Variants in MAPK6 observed in about 807,000 individuals in gnomAD.
MAPK6 encodes the protein mitogen-activated protein kinase 6.
Under a neutral mutation model 59.3 loss-of-function variants are expected in MAPK6, and 19 were observed. The observed-to-expected ratio is 0.32, with a 90% CI of 0.22 to 0.47. The LOEUF (loss-of-function observed/expected upper bound fraction) is 0.47, where lower values mean the gene tolerates loss of function less well. Among genes scored for constraint, MAPK6 ranks in the 20% least tolerant of loss-of-function variants. The pLI is 1.00. For synonymous variants in MAPK6, 316 were observed against 290.3 expected (o/e 1.09, Z -0.90); for missense variants, 724 against 847.9 (o/e 0.85, Z 1.81).
chr15:52,015,999 T>TG (rs1362537564), upstream of MAPK6, among the ~76,000 whole-genome samples: 3 of 146,826 alleles, frequency 2.0e-5, no homozygotes, highest in Admixed American at 2.0e-4. Flanking sequence ...GAGCTTGCAG[T>TG]GAGCTGAGAT....
At chr15:51,997,759 T>C (rs1386625481) in intron 2 of MAPK6, among the ~76,000 whole-genome samples, 1 of 150,428 alleles carries the variant, frequency 6.6e-6, no homozygotes, top group African/African-American at 2.5e-5. Flanking sequence ...CCCAGCTAAT[T>C]TTTTGTATTT....
At chr15:52,034,250 G>A (rs930282448) in intron 1 of MAPK6, among the ~76,000 whole-genome samples, 5 of 152,004 alleles carry the variant, frequency 3.3e-5, no homozygotes, top group Admixed American at 6.5e-5. Flanking sequence ...CTCCCAAAGT[G>A]CTGGGATTAT....
chr15:51,977,968 A>G (rs1424241254), intron 1 of MAPK6, among the ~76,000 whole-genome samples: 3 of 151,730 alleles, frequency 2.0e-5, no homozygotes, highest in Non-Finnish European at 2.9e-5. Context: ...CTAAGTTTTG[A>G]GGTATTTTGT....
At chr15:52,007,844 C>T (rs2029943330) in intron 3 of MAPK6, among the ~76,000 whole-genome samples, 1 of 151,020 alleles carries the variant, frequency 6.6e-6, no homozygotes, top group Non-Finnish European at 1.5e-5. Context: ...TGATATTTCA[C>T]CTCTTTTTTT....
In MAPK6 at chr15:52,020,258, G is replaced by C. The variant is rs142937841; in HGVS notation, c.-632+882G>C. ...TTGGCATCCTTTTGTTTCTTGGCGA[G>C]TGTAGGACCCAACCGGTTTAGGTGT... On this transcript the variant is annotated intron_variant, in intron 1 of 5. Coordinates refer to ENST00000261845, the MANE Select transcript of MAPK6 (RefSeq NM_002748.4). 4.3e-3 allele frequency among the ~76,000 whole-genome samples: 662 copies of C among 152,338 alleles called. 2 individuals are homozygous for C. Among genetic ancestry groups the C allele is most frequent in the Middle Eastern group, 0.014 (4 of 294 alleles).
chr15:51,994,043 C>T (rs2057217614), intron 2 of MAPK6, among the ~76,000 whole-genome samples: 1 of 152,128 alleles, frequency 6.6e-6, no homozygotes, highest in South Asian at 2.1e-4. Context: ...TCACTGAAAC[C>T]TCCACCTCCT....
intron 1 of MAPK6, chr15:52,027,947 ATTTTTTTTTTTTTTT>A (rs34981319): frequency 3.7e-5 from 2 of 54,684 alleles, no homozygotes; most frequent in Admixed American, 2.9e-4. Context: ...TAATTTTTGT[ATTTTTTTTTTTTTTT>A]TTTTTTTTTG....
intron 1 of MAPK6, among the ~76,000 whole-genome samples, chr15:52,033,506 C>G (rs904021001): frequency 1.3e-5 from 2 of 152,246 alleles, no homozygotes; most frequent in Non-Finnish European, 2.9e-5. Flanking sequence ...GGGCTTTGGA[C>G]TCTTGACTTA....
intron 1 of MAPK6, among the ~76,000 whole-genome samples, chr15:52,031,689 C>T (rs947078343): frequency 3.3e-5 from 5 of 151,984 alleles, no homozygotes; most frequent in African/African-American, 4.8e-5. Flanking sequence ...AAAATTGAGC[C>T]GGGTGTGGCA....
chr15:51,998,947 C>T (rs559236114), intron 2 of MAPK6, among the ~76,000 whole-genome samples: 12 of 150,480 alleles, frequency 8.0e-5, no homozygotes, highest in Admixed American at 8.0e-4. Flanking sequence ...GCCTCAGCCT[C>T]CCAGAGTGCT....
In MAPK6 at chr15:52,050,079, C is replaced by T. The variant is rs2031727497; in HGVS notation, c.642C>T (p.Asp214=). The T allele has an allele frequency of 2.5e-6, 4 of 1,613,264 alleles. No individual in the cohort carries two copies. The highest frequency in any genetic ancestry group is 1.1e-5 in the South Asian group (1 of 90,944). The change falls in exon 3 of 6, where the codon GAC becomes GAT. Residue 214 remains aspartate (D), a synonymous_variant. Transcript: ENST00000261845. ...CTAATAATTATACTAAAGCCATTGA[C>T]ATGTGGGCTGCAGGCTGCATCTTTG... The part of the protein sequence containing the change: ...LSPNNYTKAI[D]MWAAGCIFAE...
rs1160709122 is a variant in MAPK6, at chr15:52,053,485, A to G, written c.700+3348A>G. Among the ~76,000 whole-genome samples the G allele has an allele frequency of 7.2e-5, 11 of 152,140 alleles. 1 individual carries two copies. The highest frequency in any genetic ancestry group is 7.2e-4 in the Admixed American group (11 of 15,268). On this transcript the variant is annotated intron_variant, in intron 3 of 5. Transcript: ENST00000261845. ...GGTTGTCTTTTTATTATTGAGTTGT[A>G]AGAATTCTTTACATAATTCTGAATA...
At chr15:52,032,832 G>A (rs1306638909) in intron 1 of MAPK6, among the ~76,000 whole-genome samples, 10 of 152,166 alleles carry the variant, frequency 6.6e-5, no homozygotes, top group Non-Finnish European at 1.3e-4. Context: ...TTACAGGCAT[G>A]CGCCACCACA....
chr15:52,046,452 G>C lies in MAPK6; in HGVS notation c.-9G>C. 1.3e-6 allele frequency: 2 copies of C among 1,584,504 alleles called. No individual in the cohort carries two copies. The highest frequency in any genetic ancestry group is 2.2e-5 in the East Asian group (1 of 44,664). On this transcript the variant is annotated 5_prime_UTR_variant, in exon 2 of 6. Transcript: ENST00000261845. The stretch of plus-strand genomic sequence containing the variant: ...TTTGAAAGGAAAAGGCAATAGTAAG[G>C]GTTTCAAAATGGCAGAGAAATTTGA...
intron 2 of MAPK6, among the ~76,000 whole-genome samples, chr15:51,989,632 C>T (rs1446070651): frequency 1.3e-5 from 2 of 152,114 alleles, no homozygotes; most frequent in African/African-American, 2.4e-5. Flanking sequence ...CAGGATCTCA[C>T]TCTGTTGCCC....
At chr15:51,993,024 C>G (rs1188526874) in intron 2 of MAPK6, among the ~76,000 whole-genome samples, 1 of 152,106 alleles carries the variant, frequency 6.6e-6, no homozygotes, top group East Asian at 1.9e-4. Context: ...AACCTTCAAC[C>G]TCTCTCCCCT....
chr15:52,057,564 A>C (rs1311031168), intron 3 of MAPK6, among the ~76,000 whole-genome samples: 2 of 152,078 alleles, frequency 1.3e-5, no homozygotes, highest in African/African-American at 4.8e-5. Flanking sequence ...GTCTCAAAAA[A>C]AAAAAAATGT....
At chr15:51,986,479 T>C (rs2057191582) in intron 2 of MAPK6, among the ~76,000 whole-genome samples, 1 of 152,200 alleles carries the variant, frequency 6.6e-6, no homozygotes, top group Non-Finnish European at 1.5e-5. Context: ...TGACAGAATT[T>C]TGGGTGATTT....
At chr15:51,982,058 A>G (rs1272870257) in intron 1 of MAPK6, among the ~76,000 whole-genome samples, 1 of 152,240 alleles carries the variant, frequency 6.6e-6, no homozygotes, top group Non-Finnish European at 1.5e-5. Flanking sequence ...ACACAGAGAC[A>G]GAGAGAAACA....
Sources: allele counts gnomAD v4.1 joint callset (sites outside exome capture counted in the v4.1 genomes callset), GRCh38; gene constraint gnomAD v4.1.1; transcripts MANE v1.5; gene names NCBI Gene and HGNC (gene_info 2026-07-23, HGNC 2026-07-21).